SLIT2: variants seen among roughly 807,000 people sequenced by gnomAD.
SLIT2 encodes slit guidance ligand 2.
In SLIT2, 41 loss-of-function variants were observed where a neutral mutation model predicts 185.7. The ratio of observed to expected loss-of-function variants is 0.22; its 90% confidence interval spans 0.17 to 0.29. SLIT2 has a LOEUF of 0.29. SLIT2 is among the 10% of genes least tolerant of loss of function. The pLI is 1.00. For synonymous variants in SLIT2, 693 were observed against 680.2 expected, an observed-to-expected ratio of 1.02 and a Z score of -0.29; for missense variants, 1,571 against 1,909.0, an observed-to-expected ratio of 0.82 and a Z score of 3.30.
chr4:20,563,564 C>T (rs1017956751), intron 26 of SLIT2, among the ~76,000 whole-genome samples: 1 of 151,638 alleles, frequency 6.6e-6, no homozygotes, highest in Non-Finnish European at 1.5e-5. Context: ...GTGTTGTACC[C>T]GGTGCCCACT....
chr4:20,579,760 T>C (rs1017160956), intron 29 of SLIT2, among the ~76,000 whole-genome samples: 1 of 151,846 alleles, frequency 6.6e-6, no homozygotes, highest in African/African-American at 2.4e-5. Flanking sequence ...TTTTAAACTA[T>C]TCTTACTCAT....
rs543180938 is a variant in SLIT2 at position 20,384,908 on chromosome 4, CA to C, written c.396-82840del. Among the ~76,000 whole-genome samples, 7 of 152,218 alleles carry C rather than the reference CA, an allele frequency of 4.6e-5. No homozygotes were observed. The South Asian group carries it at 1.5e-3, about 32-fold the overall frequency. ...CATTCTGGCCATAGGAGCAAGTAAA[CA>C]AAACATTTTCATGGGTGCAAGATAG... On this transcript the variant is annotated intron_variant, in intron 4 of 36. Coordinates refer to ENST00000504154, the MANE Select transcript of SLIT2 (RefSeq NM_004787.4).
intron 4 of SLIT2, among the ~76,000 whole-genome samples, chr4:20,408,159 G>A (rs1726917699): frequency 6.6e-6 from 1 of 152,174 alleles, no homozygotes; most frequent in South Asian, 2.1e-4. Flanking sequence ...TTGTTTAACA[G>A]AGGCTTATTA....
chr4:20,472,286 AGATATATAGATATATAGATC>A (rs1560452819), intron 5 of SLIT2, among the ~76,000 whole-genome samples: 4 of 14,692 alleles, frequency 2.7e-4, no homozygotes, highest in African/African-American at 1.8e-3. Flanking sequence ...CTATATATAT[AGATATATAGATATATAGATC>A]TATATATAGA....
chr4:20,345,186 G>A (rs1251248730), intron 4 of SLIT2, among the ~76,000 whole-genome samples: 2 of 152,108 alleles, frequency 1.3e-5, no homozygotes, highest in African/African-American at 2.4e-5. Flanking sequence ...AATCATTATG[G>A]CACACCTCCC....
chr4:20,579,692 A>T (rs1164186805), intron 29 of SLIT2, among the ~76,000 whole-genome samples: 2 of 151,938 alleles, frequency 1.3e-5, no homozygotes, highest in Non-Finnish European at 2.9e-5. Context: ...TTGGCGAAAT[A>T]AAAAAACCTC....
intron 29 of SLIT2, 148 bp downstream of exon 29, chr4:20,569,152 G>T: frequency 1.4e-6 from 1 of 707,030 alleles, no homozygotes; most frequent in East Asian, 2.7e-5. Context: ...ATAACATAAG[G>T]ACTTAAAGAT....
At chr4:20,501,699 A>G (rs1718752349) in intron 9 of SLIT2, among the ~76,000 whole-genome samples, 1 of 152,190 alleles carries the variant, frequency 6.6e-6, no homozygotes, top group Non-Finnish European at 1.5e-5. Flanking sequence ...ACATTTATAG[A>G]TGAAACCATG....
intron 33 of SLIT2, among the ~76,000 whole-genome samples, chr4:20,603,184 C>T (rs1728535769): frequency 1.3e-5 from 2 of 152,086 alleles, no homozygotes; most frequent in Non-Finnish European, 2.9e-5. Flanking sequence ...TGGTGGCAGA[C>T]AAGAGAGAAT....
At chr4:20,462,868 A>G (rs755646844) in intron 4 of SLIT2, among the ~76,000 whole-genome samples, 10 of 152,294 alleles carry the variant, frequency 6.6e-5, no homozygotes, top group Non-Finnish European at 1.2e-4. Context: ...CATCGACTAC[A>G]ATGATCTTTG....
rs778046258 is a variant in SLIT2, at chr4:20,491,849, G to C, written c.864G>C (p.Gly288=). The C allele has an allele frequency of 9.3e-6, 15 of 1,613,892 alleles. No individual in the cohort carries two copies. Among genetic ancestry groups the C allele is most frequent in the Middle Eastern group, 1.6e-4 (1 of 6,062 alleles). Residue 288 remains glycine (G), a synonymous_variant, in exon 9 of 37, where the codon GGG becomes GGC. Transcript: ENST00000504154. Reference sequence around the variant, plus strand: ...GCAACAATATCGTAGACTGTCGTGGGAAAGGTCTCACTGAGATCCCCACAA... The same window carrying C: ...GCAACAATATCGTAGACTGTCGTGGCAAAGGTCTCACTGAGATCCCCACAA... The part of the protein sequence containing the change: ...TCSNNIVDCR[G]KGLTEIPTNL...
chr4:20,602,663 G>A (rs906216782), intron 33 of SLIT2, among the ~76,000 whole-genome samples: 2 of 152,174 alleles, frequency 1.3e-5, no homozygotes, highest in African/African-American at 2.4e-5. Context: ...AGGAGATCTT[G>A]TACTCCAGGG....
chr4:20,481,033 A>T (rs11932685), intron 6 of SLIT2, among the ~76,000 whole-genome samples: 28,791 of 152,000 alleles, frequency 0.19, 3,161 homozygotes, highest in Non-Finnish European at 0.25. Context: ...AAATGTTTTT[A>T]TGAGATTCAT....
At position 20,619,618 on chromosome 4, in the gene SLIT2, A is replaced by C. The variant is rs904172166; in HGVS notation, c.*609A>C. 2.6e-5 allele frequency: 4 copies of C among 152,200 alleles called. No homozygotes were observed. The highest frequency in any genetic ancestry group is 5.9e-5 in the Non-Finnish European group (4 of 68,032). The allele number at this position is 152,200 out of a possible 1,614,324, so 9.4% of individuals were successfully genotyped here. On this transcript the variant is annotated 3_prime_UTR_variant, in exon 37 of 37. Transcript: ENST00000504154. Reference sequence around the variant, plus strand: ...AGCATGTCAGCAGAAGCAGCACACAAAAGTCTTTACCATTTTCCAGTATTA... The same window carrying C: ...AGCATGTCAGCAGAAGCAGCACACACAAGTCTTTACCATTTTCCAGTATTA...
Position 20,268,874 on chromosome 4 carries a change from T to C in SLIT2, c.388T>C (p.Tyr130His). Residue 130 changes from tyrosine to histidine, a missense_variant, in exon 4 of 37, where the codon TAC becomes CAC. By Grantham distance (83) the Tyr-to-His change is moderately conservative (BLOSUM62 2). Around this residue, in one of 3 missense-constraint regions of SLIT2, gnomAD observed 1,202 missense variants for 1,416.4 expected, o/e 0.85. Transcript: ENST00000504154. ...GCTGTTTCTTGGGACTGCGAAGCTA[T>C]ACAGGCTGTAAGTAGACACAAATAG... ...ELLFLGTAKL[Y>H]RLDLSENQIQ... 2 of 1,595,582 alleles carry C rather than the reference T, an allele frequency of 1.3e-6. No individual in the cohort carries two copies. Among genetic ancestry groups the C allele is most frequent in the Admixed American group, 1.7e-5 (1 of 59,874 alleles).
At chr4:20,540,532 A>T (rs1327150257) in intron 19 of SLIT2, among the ~76,000 whole-genome samples, 3 of 152,152 alleles carry the variant, frequency 2.0e-5, no homozygotes, top group Admixed American at 6.6e-5. Flanking sequence ...AAGTAAAAAA[A>T]GCCACACACC....
At chr4:20,413,681 T>C (rs1460770053) in intron 4 of SLIT2, among the ~76,000 whole-genome samples, 1 of 152,124 alleles carries the variant, frequency 6.6e-6, no homozygotes, top group Non-Finnish European at 1.5e-5. Context: ...ATTTTCTAAT[T>C]ATGAAATATA....
At position 20,448,883 on chromosome 4, in the gene SLIT2, G is replaced by T. The variant is rs1712134694; in HGVS notation, c.396-18869G>T. Among the ~76,000 whole-genome samples the T allele has an allele frequency of 2.0e-5, 3 of 151,934 alleles. No individual in the cohort carries two copies. In the South Asian group the frequency reaches 6.2e-4, roughly 32 times the overall value. The stretch of plus-strand genomic sequence containing the variant: ...GATCTCTTGACCTCGTGATCCACCT[G>T]CCTCAGACTCCCAAAGGGCTGGGAT... On this transcript the variant is annotated intron_variant, in intron 4 of 36. Transcript: ENST00000504154.
chr4:20,579,234 G>GGTTA (rs1726327755), intron 29 of SLIT2, among the ~76,000 whole-genome samples: 1 of 151,574 alleles, frequency 6.6e-6, no homozygotes, highest in East Asian at 1.9e-4. Context: ...AGGAGGCGGA[G>GGTTA]GTTACACTGA....
Sources: allele counts gnomAD v4.1 joint callset (sites outside exome capture counted in the v4.1 genomes callset), GRCh38; gene constraint gnomAD v4.1.1; regional missense constraint gnomAD v4.1.1; transcripts MANE v1.5; gene names NCBI Gene and HGNC (gene_info 2026-07-23, HGNC 2026-07-21).